SMAD5: variants seen among roughly 807,000 people sequenced by gnomAD.
SMAD5 encodes MAD, mothers against decapentaplegic homolog 5.
In SMAD5, 9 loss-of-function variants were observed where a neutral mutation model predicts 43.1. The ratio of observed to expected loss-of-function variants is 0.21; its 90% confidence interval spans 0.13 to 0.36. SMAD5 has a LOEUF of 0.36. Ranked by LOEUF, SMAD5 falls within the 10% of genes least tolerant of loss-of-function variation. The pLI, the probability that SMAD5 is intolerant of heterozygous loss-of-function variation, is 1.00. For missense variants in SMAD5, 348 were observed against 574.0 expected (o/e 0.61, Z 4.02); for synonymous variants, 190 against 192.4 (o/e 0.99, Z 0.10).
rs1363484925 is a variant in SMAD5, at chr5:136,182,444, G to T, written c.*4964G>T. 6.6e-6 allele frequency: 1 copy of T among 152,472 alleles called. No homozygotes were observed. Among genetic ancestry groups the T allele is most frequent in the East Asian group, 1.9e-4 (1 of 5,202 alleles). 9.4% of individuals were successfully genotyped at this position (152,472 alleles called of 1,614,324 possible). On this transcript the variant is annotated 3_prime_UTR_variant, in exon 8 of 8. Transcript: ENST00000545279. Reference sequence around the variant, plus strand: ...GAAGAGGATTGTAATCATGGAAATAGAATGTTTGTATCTACCTGCCCACAT... The same window carrying T: ...GAAGAGGATTGTAATCATGGAAATATAATGTTTGTATCTACCTGCCCACAT...
chr5:136,136,477 G>T (rs533202677), intron 1 of SMAD5, among the ~76,000 whole-genome samples: 2 of 152,322 alleles, frequency 1.3e-5, no homozygotes, highest in African/African-American at 4.8e-5. Flanking sequence ...CATTGGTGTT[G>T]TCACATACCC....
Position 136,137,933 on chromosome 5 carries a change from T to C in SMAD5, c.-245+4971T>C, listed in dbSNP as rs1460540818. Among the ~76,000 whole-genome samples the C allele has an allele frequency of 2.6e-5, 4 of 152,176 alleles. No homozygotes were observed. The South Asian group carries it at 6.2e-4, about 24-fold the overall frequency. On this transcript the variant is annotated intron_variant, in intron 1 of 7. Coordinates refer to ENST00000545279, the MANE Select transcript of SMAD5 (RefSeq NM_005903.7). ...GTGTACACAGGTTAGCTCTTTGTGC[T>C]CCAGAGACACATTTTACAGTCATGA...
intron 7 of SMAD5, among the ~76,000 whole-genome samples, chr5:136,176,457 CAAAAAAAA>C (rs60311104): frequency 1.9e-4 from 13 of 68,532 alleles, no homozygotes; most frequent in African/African-American, 6.3e-4. Flanking sequence ...CTCTGTCTCA[CAAAAAAAA>C]AAAAAAAAAA....
chr5:136,137,017 A>ATTTTTT (rs60239443), intron 1 of SMAD5, among the ~76,000 whole-genome samples: 1 of 108,996 alleles, frequency 9.2e-6, no homozygotes, highest in Non-Finnish European at 1.9e-5. Flanking sequence ...TTTAGTTTTG[A>ATTTTTT]TTTTTTTTTT....
Position 136,172,591 on chromosome 5 carries a change from G to C in SMAD5, c.933G>C (p.Leu311Phe), listed in dbSNP as rs1317937045. The change falls in exon 6 of 8, where the codon TTG becomes TTC. Residue 311 changes from leucine (L) to phenylalanine (F), a missense_variant. Leu to Phe is a conservative substitution (Grantham distance 22). This residue lies in a region of SMAD5 where 97 missense variants were observed against 211.8 expected (regional missense o/e 0.46). Coordinates refer to ENST00000545279, the MANE Select transcript of SMAD5 (RefSeq NM_005903.7). ...CAAATAACAAAAGTAGATTCTGCTT[G>C]GGTTTGTTGTCAAATGTTAATCGTA... is the stretch of plus-strand genomic sequence containing the variant. ...DPSNNKSRFC[L>F]GLLSNVNRNS... The C allele has an allele frequency of 6.2e-7, 1 of 1,613,222 alleles. No homozygotes were observed. Among genetic ancestry groups the C allele is most frequent in the Non-Finnish European group, 8.5e-7 (1 of 1,179,374 alleles).
chr5:136,134,738 T>G (rs890960047), intron 1 of SMAD5: 2 of 152,238 alleles, frequency 1.3e-5, no homozygotes, highest in Non-Finnish European at 2.9e-5. Context: ...TTTTGATGAT[T>G]ATTTGTGTGA....
In SMAD5 at chr5:136,175,613, T is replaced by G. The variant is rs547000474; in HGVS notation, c.1254+981T>G. Among the ~76,000 whole-genome samples the G allele has an allele frequency of 2.0e-5, 3 of 152,344 alleles. No homozygotes were observed. The East Asian group carries it at 5.8e-4, about 29-fold the overall frequency. On this transcript the variant is annotated intron_variant, in intron 7 of 7. Transcript: ENST00000545279. ...ATGTATTTAAGCAATCTGTACTGTATCTACATATTTAAGCAATCTGTACTG... is the reference window on the plus strand; with the variant it reads ...ATGTATTTAAGCAATCTGTACTGTAGCTACATATTTAAGCAATCTGTACTG...
chr5:136,168,824 T>C (rs1754113514), intron 5 of SMAD5, among the ~76,000 whole-genome samples: 1 of 152,254 alleles, frequency 6.6e-6, no homozygotes, highest in Admixed American at 6.5e-5. Context: ...TATGTAGCTT[T>C]TTCAGACTGG....
chr5:136,146,585 A>G (rs564165439), intron 1 of SMAD5, among the ~76,000 whole-genome samples: 1 of 151,804 alleles, frequency 6.6e-6, no homozygotes, highest in East Asian at 1.9e-4. Context: ...ATAATGAGAA[A>G]TTTTTTCATA....
Position 136,163,204 on chromosome 5 carries a change from T to C in SMAD5, c.656-68T>C, listed in dbSNP as rs1753881064. On this transcript the variant is annotated intron_variant, in intron 4 of 7. Coordinates refer to ENST00000545279, the MANE Select transcript of SMAD5 (RefSeq NM_005903.7). ...AGCTTGCTGGTAATCTTAAGAATTT[T>C]CTAAAGCTTTTAGAGTAATAATTTT... The C allele has an allele frequency of 2.2e-6, 3 of 1,381,214 alleles. No homozygotes were observed. The African/African-American group carries it at 4.4e-5, about 20-fold the overall frequency. 85.6% of individuals were successfully genotyped at this position (1,381,214 alleles called of 1,614,324 possible). A position where few individuals can be genotyped will look rare whatever the true frequency, so the allele number is the denominator to read the frequency against.
intron 5 of SMAD5, among the ~76,000 whole-genome samples, chr5:136,166,583 T>C (rs1341329284): frequency 6.6e-6 from 1 of 152,206 alleles, no homozygotes; most frequent in Non-Finnish European, 1.5e-5. Context: ...GTAGGTAGTT[T>C]TTAAATCTCT....
chr5:136,145,574 T>G (rs956994957), intron 1 of SMAD5, among the ~76,000 whole-genome samples: 5 of 151,988 alleles, frequency 3.3e-5, no homozygotes, highest in Non-Finnish European at 7.4e-5. Flanking sequence ...TGCGGACTCT[T>G]AAAGTACATG....
chr5:136,179,786 G>C lies in SMAD5; in HGVS notation c.*2306G>C, dbSNP rs978419436. On this transcript the variant is annotated 3_prime_UTR_variant, in exon 8 of 8. Coordinates refer to ENST00000545279, the MANE Select transcript of SMAD5 (RefSeq NM_005903.7). ...TTTTACTTAACCAGGCTTATGGCAT[G>C]ATCTCTGGAACAAATTTGTAGGAAA... 6.8e-6 allele frequency: 1 copy of C among 146,722 alleles called. No individual in the cohort carries two copies. Among genetic ancestry groups the C allele is most frequent in the Non-Finnish European group, 1.5e-5 (1 of 67,092 alleles). The allele number at this position is 146,722 out of a possible 1,614,324, so 9.1% of individuals were successfully genotyped here.
intron 1 of SMAD5, among the ~76,000 whole-genome samples, chr5:136,145,740 C>T (rs1322044153): frequency 6.6e-6 from 1 of 151,852 alleles, no homozygotes; most frequent in African/African-American, 2.4e-5. Flanking sequence ...ATTCTCAGAA[C>T]CTTTTAGGGC....
At chr5:136,135,769 C>T (rs758383100) in intron 1 of SMAD5, among the ~76,000 whole-genome samples, 1 of 152,248 alleles carries the variant, frequency 6.6e-6, no homozygotes, top group Middle Eastern at 3.4e-3. Flanking sequence ...GACTTGAGTA[C>T]GCTTGAGGAT....
chr5:136,155,707 C>A (rs10056474), intron 3 of SMAD5, among the ~76,000 whole-genome samples: 1 of 151,956 alleles, frequency 6.6e-6, no homozygotes, highest in Non-Finnish European at 1.5e-5. Context: ...GGCACATTTT[C>A]TCATTCCATT....
chr5:136,160,774 A>G (rs553403061), intron 3 of SMAD5, 82 bp from the exon 4 acceptor site: 127 of 1,384,996 alleles, frequency 9.2e-5, no homozygotes, highest in Non-Finnish European at 1.2e-4. Context: ...TCTTACATGA[A>G]TCCTTTCTAC....
chr5:136,176,156 TA>T (rs919898966), intron 7 of SMAD5, among the ~76,000 whole-genome samples: 53 of 145,024 alleles, frequency 3.7e-4, no homozygotes, highest in South Asian at 4.4e-4. Flanking sequence ...AATTTTTCGT[TA>T]AAAAAAAAAA....
rs1308450416 is a variant in SMAD5 at position 136,155,210 on chromosome 5, C to T, written c.403+1047C>T. ...TATGTCTAAGCGCAGTTTTTTTTCT[C>T]TGGTTTCCCCTATTGAAGTGAATGG... On this transcript the variant is annotated intron_variant, in intron 3 of 7. Transcript: ENST00000545279. 3.3e-5 allele frequency among the ~76,000 whole-genome samples: 5 copies of T among 152,006 alleles called. No homozygotes were observed. In the South Asian group the frequency reaches 6.2e-4, roughly 19 times the overall value.
Sources: allele counts gnomAD v4.1 joint callset (sites outside exome capture counted in the v4.1 genomes callset), GRCh38; gene constraint gnomAD v4.1.1; regional missense constraint gnomAD v4.1.1; transcripts MANE v1.5; gene names NCBI Gene and HGNC (gene_info 2026-07-23, HGNC 2026-07-21).